The following SLC35F4 variants were observed in gnomAD, a reference collection of about 807,000 sequenced individuals.
The protein encoded by SLC35F4 is chromosome 14 open reading frame 36.
A neutral mutation model predicts 44.2 loss-of-function variants in SLC35F4; 24 were observed. That is an observed-to-expected ratio of 0.54 (90% CI 0.39 to 0.76). The LOEUF is 0.76. SLC35F4 is among the 30% of genes least tolerant of loss of function. The pLI is 0.00. For missense variants in SLC35F4, 562 were observed against 586.1 expected, an observed-to-expected ratio of 0.96 and a Z score of 0.42; for synonymous variants, 238 against 223.6, an observed-to-expected ratio of 1.06 and a Z score of -0.57.
chr14:57,895,504 C>T (rs569938985), intron 1 of SLC35F4, among the ~76,000 whole-genome samples: 1 of 152,074 alleles, frequency 6.6e-6, no homozygotes, highest in African/African-American at 2.4e-5. Flanking sequence ...TTGCTGTTCC[C>T]TTGATAGTGG....
chr14:57,680,183 G>A (rs1189485096), intron 1 of SLC35F4, among the ~76,000 whole-genome samples: 1 of 152,098 alleles, frequency 6.6e-6, no homozygotes, highest in East Asian at 1.9e-4. Flanking sequence ...CCACGATCAA[G>A]TCAGCGTCAT....
intron 1 of SLC35F4, among the ~76,000 whole-genome samples, chr14:57,902,350 C>G (rs1026460559): frequency 6.6e-6 from 1 of 151,984 alleles, no homozygotes; most frequent in Non-Finnish European, 1.5e-5. Flanking sequence ...GATCACCTGA[C>G]GTCAGGAGTT....
chr14:57,774,451 G>A (rs889393172), intron 1 of SLC35F4, among the ~76,000 whole-genome samples: 3 of 152,190 alleles, frequency 2.0e-5, no homozygotes, highest in Non-Finnish European at 4.4e-5. Context: ...GGCTTAGTGT[G>A]AGAGCATCTG....
chr14:57,681,196 A>T (rs2074891666), intron 1 of SLC35F4, among the ~76,000 whole-genome samples: 1 of 152,052 alleles, frequency 6.6e-6, no homozygotes, highest in Non-Finnish European at 1.5e-5. Flanking sequence ...GCAACAGAAC[A>T]GAGGCCTCAG....
At chr14:57,740,452 T>G (rs1050473556) in intron 1 of SLC35F4, among the ~76,000 whole-genome samples, 6 of 152,336 alleles carry the variant, frequency 3.9e-5, no homozygotes, top group Admixed American at 3.9e-4. Context: ...AAATTCTCAA[T>G]GAATTCTTGT....
chr14:57,621,372 C>A (rs1249033119), intron 1 of SLC35F4, among the ~76,000 whole-genome samples: 2 of 151,924 alleles, frequency 1.3e-5, no homozygotes, highest in Non-Finnish European at 2.9e-5. Flanking sequence ...CAATCCCAAG[C>A]CAAAAGAACA....
At position 57,810,350 on chromosome 14, in the gene SLC35F4, G is replaced by A. The variant is rs1461355560; in HGVS notation, c.103+55373C>T. ...ACAGGTACTATAATAAGATAGTACT[G>A]TCCTTTCTGGTTCTGGGGAGCATTT... On this transcript the variant is annotated intron_variant, in intron 1 of 7. Transcript: ENST00000556826. 2.6e-5 allele frequency among the ~76,000 whole-genome samples: 4 copies of A among 152,232 alleles called. No individual in the cohort carries two copies. The East Asian group carries it at 7.7e-4, about 29-fold the overall frequency.
In SLC35F4 at chr14:57,819,812, C is replaced by CAA. The variant is rs200256387; in HGVS notation, c.103+45909_103+45910dup. Among the ~76,000 whole-genome samples, 252 of 108,130 alleles carry CAA rather than the reference C, an allele frequency of 2.3e-3. 2 individuals are homozygous for CAA. Among genetic ancestry groups the CAA allele is most frequent in the Middle Eastern group, 4.9e-3 (1 of 206 alleles). The allele number at this position is 108,130 out of a possible 152,430, so 70.9% of individuals were successfully genotyped here. A position where few individuals can be genotyped will look rare whatever the true frequency, so the allele number is the denominator to read the frequency against. On this transcript the variant is annotated intron_variant, in intron 1 of 7. Coordinates refer to ENST00000556826, the MANE Select transcript of SLC35F4 (RefSeq NM_001306087.2). ...TGGGCAACAGAGCAAGACCCCGTCTCAAAAAAAAAAAAAAAAGATAGAAGA... is the reference window on the plus strand; with the variant it reads ...TGGGCAACAGAGCAAGACCCCGTCTCAAAAAAAAAAAAAAAAAAGATAGAAGA...
At chr14:57,890,870 T>G (rs1167745667) in intron 1 of SLC35F4, among the ~76,000 whole-genome samples, 1 of 152,200 alleles carries the variant, frequency 6.6e-6, no homozygotes, top group East Asian at 1.9e-4. Flanking sequence ...TAAAACATAT[T>G]GGCAAACTCA....
At chr14:57,974,002 G>A (rs758012026), downstream of SLC35F4, among the ~76,000 whole-genome samples, 4 of 152,130 alleles carry the variant, frequency 2.6e-5, no homozygotes, top group African/African-American at 4.8e-5. Flanking sequence ...TACCCCAAGA[G>A]TTAGTGGCTT....
At chr14:57,620,898 G>C (rs2072142057) in intron 1 of SLC35F4, among the ~76,000 whole-genome samples, 3 of 152,108 alleles carry the variant, frequency 2.0e-5, no homozygotes, top group African/African-American at 7.2e-5. Context: ...AGATGTACAT[G>C]ATTGTACATC....
At chr14:57,933,561 C>T (rs1889740632) in intron 1 of SLC35F4, among the ~76,000 whole-genome samples, 1 of 152,172 alleles carries the variant, frequency 6.6e-6, no homozygotes. Context: ...AAGCTGATAC[C>T]AGTCAGCTGA....
At chr14:57,732,365 A>G (rs1005435968) in intron 1 of SLC35F4, among the ~76,000 whole-genome samples, 1 of 152,200 alleles carries the variant, frequency 6.6e-6, no homozygotes, top group African/African-American at 2.4e-5. Context: ...AAACAAGCAC[A>G]GTAAAGTTAT....
At chr14:57,936,649 C>G (rs772121844) in intron 1 of SLC35F4, among the ~76,000 whole-genome samples, 3 of 152,136 alleles carry the variant, frequency 2.0e-5, no homozygotes, top group African/African-American at 4.8e-5. Flanking sequence ...AAGGACAATC[C>G]CCTACAATAA....
At chr14:57,798,801 G>A (rs2078116733) in intron 1 of SLC35F4, among the ~76,000 whole-genome samples, 1 of 152,114 alleles carries the variant, frequency 6.6e-6, no homozygotes, top group African/African-American at 2.4e-5. Flanking sequence ...CAACTTTAGG[G>A]CTTTTACAGT....
At chr14:57,601,294 A>G (rs1172494866) in intron 1 of SLC35F4, among the ~76,000 whole-genome samples, 1 of 152,116 alleles carries the variant, frequency 6.6e-6, no homozygotes, top group Non-Finnish European at 1.5e-5. Context: ...CATGCATATT[A>G]AAACAACATG....
At chr14:57,935,219 G>C (rs1046884005) in intron 1 of SLC35F4, among the ~76,000 whole-genome samples, 1 of 152,182 alleles carries the variant, frequency 6.6e-6, no homozygotes, top group African/African-American at 2.4e-5. Context: ...TAAATTCCCT[G>C]AGGATGTCTC....
At chr14:57,941,139 G>A (rs1468645165) in intron 1 of SLC35F4, among the ~76,000 whole-genome samples, 1 of 152,090 alleles carries the variant, frequency 6.6e-6, no homozygotes, top group Non-Finnish European at 1.5e-5. Flanking sequence ...GTTGGTTCCT[G>A]AAAAAGTTAC....
At chr14:57,765,283 T>A (rs1282293182) in intron 1 of SLC35F4, among the ~76,000 whole-genome samples, 1 of 152,216 alleles carries the variant, frequency 6.6e-6, no homozygotes, top group African/African-American at 2.4e-5. Flanking sequence ...TAGATGCTCG[T>A]GCTGTGAACT....
Sources: allele counts gnomAD v4.1 joint callset (sites outside exome capture counted in the v4.1 genomes callset), GRCh38; gene constraint gnomAD v4.1.1; transcripts MANE v1.5; gene names NCBI Gene and HGNC (gene_info 2026-07-23, HGNC 2026-07-21).